The following NRXN1 variants were observed in gnomAD, a reference collection of about 807,000 sequenced individuals.
The protein encoded by NRXN1 is neurexin-1.
Under a neutral mutation model 150.9 loss-of-function variants are expected in NRXN1, and 39 were observed. The ratio of observed to expected loss-of-function variants is 0.26; its 90% CI spans 0.20 to 0.34. The LOEUF is 0.34. Ranked by LOEUF, NRXN1 falls within the 10% of genes least tolerant of loss-of-function variation. NRXN1 has a pLI of 1.00. For missense variants in NRXN1, 1,815 were observed against 1,949.9 expected, an observed-to-expected ratio of 0.93 and a Z score of 1.30; for synonymous variants, 924 against 757.0, an observed-to-expected ratio of 1.22 and a Z score of -3.62.
chr2:50,545,400 C>A (rs2093472479), intron 9 of NRXN1, among the ~76,000 whole-genome samples: 2 of 152,074 alleles, frequency 1.3e-5, no homozygotes, highest in South Asian at 4.1e-4. Context: ...CTCAGCATTC[C>A]ACAGTAAGGG....
At chr2:50,463,424 A>G (rs2088463055) in intron 17 of NRXN1, among the ~76,000 whole-genome samples, 1 of 151,832 alleles carries the variant, frequency 6.6e-6, no homozygotes, top group Non-Finnish European at 1.5e-5. Flanking sequence ...AAAACCCACT[A>G]ACAGGTAATG....
chr2:50,107,539 A>ATATATATATATAT (rs59921941), intron 18 of NRXN1, among the ~76,000 whole-genome samples: 230 of 129,846 alleles, frequency 1.8e-3, no homozygotes, highest in East Asian at 5.5e-3. Flanking sequence ...ATATATATAT[A>ATATATATATATAT]TTTTTTTTTT....
chr2:50,274,335 G>T (rs1041542862), intron 17 of NRXN1, among the ~76,000 whole-genome samples: 24 of 152,102 alleles, frequency 1.6e-4, no homozygotes, highest in African/African-American at 5.6e-4. Flanking sequence ...TCTTAAGTGG[G>T]ATTGAACAAT....
At chr2:50,889,038 C>G (rs1680673796) in intron 5 of NRXN1, among the ~76,000 whole-genome samples, 1 of 151,632 alleles carries the variant, frequency 6.6e-6, no homozygotes, top group South Asian at 2.1e-4. Context: ...AAAGTAAAAT[C>G]TAACCTTAAC....
At chr2:50,302,466 C>CAAAGTCCACCATACCA (rs1362876981) in intron 17 of NRXN1, among the ~76,000 whole-genome samples, 1 of 151,820 alleles carries the variant, frequency 6.6e-6, no homozygotes, top group African/African-American at 2.4e-5. Context: ...TTATAGATTA[C>CAAAGTCCACCATACCA]AAAGTCCACC....
intron 21 of NRXN1, among the ~76,000 whole-genome samples, chr2:50,033,969 G>GAAAAAAA (rs61264442): frequency 1.8e-5 from 2 of 109,956 alleles, no homozygotes; most frequent in African/African-American, 6.4e-5. Flanking sequence ...TTAAAAAGTG[G>GAAAAAAA]AAAAAAAAAA....
chr2:50,860,267 A>T (rs928527375), intron 5 of NRXN1, among the ~76,000 whole-genome samples: 7 of 151,990 alleles, frequency 4.6e-5, no homozygotes, highest in African/African-American at 1.4e-4. Context: ...AGAAAAAAAA[A>T]AAATTGTGAG....
chr2:50,532,370 A>G (rs372629896), intron 10 of NRXN1, among the ~76,000 whole-genome samples: 3 of 82,962 alleles, frequency 3.6e-5, no homozygotes, highest in Non-Finnish European at 1.0e-4. Flanking sequence ...AAAAAAAGAA[A>G]TATAGCTTAA....
At chr2:49,962,069 A>G (rs1162665806) in intron 21 of NRXN1, among the ~76,000 whole-genome samples, 1 of 152,208 alleles carries the variant, frequency 6.6e-6, no homozygotes, top group Non-Finnish European at 1.5e-5. Context: ...ACACTAAAAA[A>G]AAGAAAAAAG....
chr2:50,349,119 GCAAT>G (rs1275894952), intron 17 of NRXN1, among the ~76,000 whole-genome samples: 3 of 152,058 alleles, frequency 2.0e-5, no homozygotes, highest in Non-Finnish European at 4.4e-5. Flanking sequence ...CACACCTGTA[GCAAT>G]CACACATGTC....
At chr2:50,553,075 T>C in intron 8 of NRXN1, 50 bp from the exon 9 acceptor site, 1 of 1,294,212 alleles carries the variant, frequency 7.7e-7, no homozygotes, top group South Asian at 1.4e-5. Flanking sequence ...TTTTAATATC[T>C]GAAACTTGTG....
chr2:50,638,656 G>A (rs997786400), intron 5 of NRXN1, among the ~76,000 whole-genome samples: 2 of 152,022 alleles, frequency 1.3e-5, no homozygotes, highest in Non-Finnish European at 2.9e-5. Flanking sequence ...TGCTTTTTTT[G>A]TTGTTGTTTT....
chr2:50,593,342 A>G (rs917505787), intron 8 of NRXN1, among the ~76,000 whole-genome samples: 3 of 152,214 alleles, frequency 2.0e-5, no homozygotes, highest in Admixed American at 1.3e-4. Flanking sequence ...GGAGTCTGTC[A>G]TCTAGTCCCA....
At chr2:50,621,948 C>A (rs1276776720) in intron 6 of NRXN1, among the ~76,000 whole-genome samples, 1 of 152,104 alleles carries the variant, frequency 6.6e-6, no homozygotes, top group Non-Finnish European at 1.5e-5. Context: ...GGTTTGTAAC[C>A]TGAGCAAAGG....
intron 2 of NRXN1, among the ~76,000 whole-genome samples, chr2:50,942,273 C>G (rs1180890549): frequency 6.6e-6 from 1 of 152,154 alleles, no homozygotes; most frequent in African/African-American, 2.4e-5. Context: ...ATGGAGCCCA[C>G]ATGGAGAACC....
chr2:50,121,225 G>A (rs1703812276), intron 18 of NRXN1, among the ~76,000 whole-genome samples: 1 of 152,116 alleles, frequency 6.6e-6, no homozygotes, highest in African/African-American at 2.4e-5. Context: ...GTTTCGCCAT[G>A]TTGGCCAGGC....
At chr2:50,522,014 A>T (rs2092802887) in intron 12 of NRXN1, among the ~76,000 whole-genome samples, 1 of 152,168 alleles carries the variant, frequency 6.6e-6, no homozygotes, top group African/African-American at 2.4e-5. Flanking sequence ...ACAGCCAGTG[A>T]AAGGGATGAC....
Position 50,097,356 on chromosome 2 carries a change from T to A in NRXN1, c.3547-5862A>T, listed in dbSNP as rs191355440. 9.9e-5 allele frequency among the ~76,000 whole-genome samples: 15 copies of A among 152,276 alleles called. No homozygotes were observed. In the East Asian group the frequency reaches 2.5e-3, roughly 26 times the overall value. On this transcript the variant is annotated intron_variant, in intron 18 of 22. Coordinates refer to ENST00000401669, the MANE Select transcript of NRXN1 (RefSeq NM_001330078.2). ...CCCCACTTTGGACAGAACTCAACAA[T>A]GTCTTTAAATGCTCTCTCTATGCTT...
At chr2:50,716,979 G>A (rs1272511005) in intron 5 of NRXN1, among the ~76,000 whole-genome samples, 2 of 151,974 alleles carry the variant, frequency 1.3e-5, no homozygotes, top group Non-Finnish European at 2.9e-5. Flanking sequence ...TACATGCAAA[G>A]TACCATTTTT....
Sources: gnomAD v4.1 joint callset for allele counts (sites outside exome capture counted in the v4.1 genomes callset) on GRCh38, gnomAD v4.1.1 for gene constraint, MANE v1.5 for transcripts, NCBI Gene and HGNC (gene_info 2026-07-23, HGNC 2026-07-21) for gene names.